Variants in DCAF6 observed in about 807,000 individuals in gnomAD.
The protein encoded by DCAF6 is DDB1- and CUL4-associated factor 6.
Under a neutral mutation model 125.1 loss-of-function variants are expected in DCAF6, and 54 were observed. The ratio of observed to expected loss-of-function variants is 0.43; its 90% CI spans 0.35 to 0.54. The LOEUF (loss-of-function observed/expected upper bound fraction) is 0.54. DCAF6 is among the 20% of genes least tolerant of loss of function. The probability of loss-of-function intolerance (pLI) is 0.01; values close to 1 mark genes in which losing one functional copy is unlikely to be tolerated. For missense variants in DCAF6, 934 were observed against 1,161.7 expected (o/e 0.80, Z 2.85); for synonymous variants, 371 against 390.4 (o/e 0.95, Z 0.58).
rs781558113 is a variant in DCAF6 at position 168,075,373 on chromosome 1, C to T, written c.2794C>T (p.Arg932Trp). The T allele has an allele frequency of 5.6e-6, 9 of 1,595,514 alleles. No individual in the cohort carries two copies. The highest frequency in any genetic ancestry group is 4.5e-5 in the East Asian group (2 of 44,134). ...LASLNHIRAD[R>W]LEGDRSEGSG... ...GATTCTCTTATCTGTGTTTCCAGAC[C>T]GGTTGGAGGGTGACAGATCAGAAGG... is the stretch of plus-strand genomic sequence containing the variant. Residue 932 changes from arginine (R) to tryptophan (W), a missense_variant and splice_region_variant, in exon 22 of 22, where the codon CGG becomes TGG. By Grantham distance (101) the Arg-to-Trp change is moderately radical (BLOSUM62 -3). Around this residue, in one of 5 missense-constraint regions of DCAF6, gnomAD observed 36 missense variants for 39.8 expected, o/e 0.91. Coordinates refer to ENST00000367840, the MANE Select transcript of DCAF6 (RefSeq NM_001198956.2).
At chr1:168,024,760 C>T (rs1175158316) in intron 12 of DCAF6, among the ~76,000 whole-genome samples, 4 of 149,314 alleles carry the variant, frequency 2.7e-5, no homozygotes, top group African/African-American at 9.9e-5. Context: ...GCCGAGATTG[C>T]GCCATTGCAC....
the DCAF6 span, chr1:167,918,228 C>A: frequency 3.0e-6 from 3 of 1,013,160 alleles, no homozygotes; most frequent in African/African-American, 4.9e-5. Context: ...GCCTTCTAAA[C>A]ACACAGTTAG....
chr1:167,865,201 A>G, the DCAF6 span, among the ~76,000 whole-genome samples: 2 of 152,198 alleles, frequency 1.3e-5, no homozygotes, highest in Non-Finnish European at 2.9e-5. Flanking sequence ...GATTAGAAGG[A>G]GGCATAAGAA....
At chr1:167,987,472 T>G (rs1326934609) in intron 4 of DCAF6, 23 bp from the exon 5 acceptor site, 2 of 1,111,036 alleles carry the variant, frequency 1.8e-6, no homozygotes, top group Non-Finnish European at 2.7e-6. Flanking sequence ...TATGATTATC[T>G]GCACTTTTCT....
Position 168,075,756 on chromosome 1 carries a change from A to C in DCAF6, c.*321A>C. 8.1e-4 allele frequency: 161 copies of C among 197,746 alleles called. No homozygotes were observed. The highest frequency in any genetic ancestry group is 3.7e-3 in the Middle Eastern group (2 of 536). 12.2% of individuals were successfully genotyped at this position (197,746 alleles called of 1,614,324 possible). A position where few individuals can be genotyped will look rare whatever the true frequency, so the allele number is the denominator to read the frequency against. On this transcript the variant is annotated 3_prime_UTR_variant, in exon 22 of 22. Transcript: ENST00000367840. ...AAGAATAATTTTCATCATAGTGAAAATGTTGGTTCAAATAAATTTCTACAC... is the reference window on the plus strand; with the variant it reads ...AAGAATAATTTTCATCATAGTGAAACTGTTGGTTCAAATAAATTTCTACAC...
intron 3 of DCAF6, among the ~76,000 whole-genome samples, chr1:167,967,605 A>G (rs888917004): frequency 3.3e-5 from 5 of 152,088 alleles, no homozygotes; most frequent in Non-Finnish European, 7.4e-5. Flanking sequence ...TTAAACATTC[A>G]ACACATCATT....
At chr1:167,879,877 CAT>C in the DCAF6 span, among the ~76,000 whole-genome samples, 1 of 152,226 alleles carries the variant, frequency 6.6e-6, no homozygotes, top group African/African-American at 2.4e-5. Context: ...ATTCCATCAA[CAT>C]ATAGCCTCCC....
intron 4 of DCAF6, among the ~76,000 whole-genome samples, chr1:167,979,483 A>G (rs1171580012): frequency 6.6e-6 from 1 of 152,186 alleles, no homozygotes; most frequent in African/African-American, 2.4e-5. Context: ...TTGACTTTTG[A>G]TGACTGACTG....
At chr1:167,883,629 C>G in the DCAF6 span, 3 of 1,614,214 alleles carry the variant, frequency 1.9e-6, no homozygotes, top group Non-Finnish European at 2.5e-6. Flanking sequence ...TGTTATCAAT[C>G]TGCAAAGTAG....
At chr1:167,978,493 T>C (rs1297323605) in intron 4 of DCAF6, among the ~76,000 whole-genome samples, 6 of 152,222 alleles carry the variant, frequency 3.9e-5, no homozygotes, top group Non-Finnish European at 1.5e-5. Context: ...TGTTGGTTAT[T>C]TGGATGTATT....
chr1:168,004,916 G>A, intron 10 of DCAF6, 123 bp downstream of exon 10: 2 of 1,097,860 alleles, frequency 1.8e-6, no homozygotes, highest in South Asian at 1.7e-5. Context: ...AAAATGACAT[G>A]TAATATATGG....
chr1:168,039,183 T>G (rs1250479621), intron 13 of DCAF6, among the ~76,000 whole-genome samples: 2 of 152,062 alleles, frequency 1.3e-5, no homozygotes, highest in Admixed American at 6.5e-5. Context: ...ATATCTAGAT[T>G]AAAAGATATT....
At chr1:167,961,335 C>G (rs538059527) in intron 2 of DCAF6, among the ~76,000 whole-genome samples, 2 of 152,220 alleles carry the variant, frequency 1.3e-5, no homozygotes, top group Admixed American at 1.3e-4. Flanking sequence ...CTCCGCCTCC[C>G]GGGTTCATGC....
At position 168,011,111 on chromosome 1, in the gene DCAF6, A is replaced by ATTT. The variant is rs370763073; in HGVS notation, c.1379-4648_1379-4646dup. The stretch of plus-strand genomic sequence containing the variant: ...TAAATAGACTACTCAGACCATCAGA[A>ATTT]TTTTTTTTTTTTTTTTTTTTTTTTG... On this transcript the variant is annotated intron_variant, in intron 10 of 21. Coordinates refer to ENST00000367840, the MANE Select transcript of DCAF6 (RefSeq NM_001198956.2). Among the ~76,000 whole-genome samples, 247 of 110,314 alleles carry ATTT rather than the reference A, an allele frequency of 2.2e-3. 3 individuals carry two copies. Among genetic ancestry groups the ATTT allele is most frequent in the African/African-American group, 3.9e-3 (110 of 28,012 alleles). The allele number at this position is 110,314 out of a possible 152,430, so 72.4% of individuals were successfully genotyped here.
At chr1:168,029,875 G>C (rs1182852875) in intron 12 of DCAF6, among the ~76,000 whole-genome samples, 1 of 151,994 alleles carries the variant, frequency 6.6e-6, no homozygotes, top group Non-Finnish European at 1.5e-5. Flanking sequence ...AGCTACTTGG[G>C]AGGCTGAGGT....
At chr1:168,051,878 T>C (rs1572104717) in intron 17 of DCAF6, among the ~76,000 whole-genome samples, 2 of 151,860 alleles carry the variant, frequency 1.3e-5, no homozygotes, top group East Asian at 1.9e-4. Context: ...GTTATCACTT[T>C]CTTTTTTTTT....
chr1:167,884,530 T>C, the DCAF6 span, among the ~76,000 whole-genome samples: 1 of 152,110 alleles, frequency 6.6e-6, no homozygotes, highest in South Asian at 2.1e-4. Context: ...AAATTATTTT[T>C]TACTATAGTT....
intron 16 of DCAF6, among the ~76,000 whole-genome samples, chr1:168,049,227 A>G (rs887788947): frequency 3.3e-5 from 5 of 152,070 alleles, no homozygotes; most frequent in African/African-American, 1.2e-4. Flanking sequence ...GTGATTTTAT[A>G]TACTGTATTT....
chr1:168,029,648 A>G (rs1459619011), intron 12 of DCAF6, among the ~76,000 whole-genome samples: 1 of 151,998 alleles, frequency 6.6e-6, no homozygotes, highest in Admixed American at 6.6e-5. Flanking sequence ...TATTACCCCC[A>G]TTTTTCAGAT....
Sources: allele counts gnomAD v4.1 joint callset (sites outside exome capture counted in the v4.1 genomes callset), GRCh38; gene constraint gnomAD v4.1.1; regional missense constraint gnomAD v4.1.1; transcripts MANE v1.5; gene names NCBI Gene and HGNC (gene_info 2026-07-23, HGNC 2026-07-21).